CDHR3: variants seen among roughly 807,000 people sequenced by gnomAD.
The protein encoded by CDHR3 is cadherin-related family member 3.
In CDHR3, 79 loss-of-function variants were observed where a neutral mutation model predicts 86.6. That is an observed-to-expected ratio of 0.91 (90% CI 0.76 to 1.10). The LOEUF (loss-of-function observed/expected upper bound fraction) is 1.10, where lower values mean the gene tolerates loss of function less well. Ranked by LOEUF, CDHR3 falls within the 50% of genes least tolerant of loss-of-function variation. The pLI, the probability that CDHR3 is intolerant of heterozygous loss-of-function variation, is 0.00. For missense variants in CDHR3, 1,081 were observed against 1,077.6 expected (o/e 1.00, Z -0.04); for synonymous variants, 421 against 402.4 (o/e 1.05, Z -0.55).
At position 106,017,855 on chromosome 7, in the gene CDHR3, G is replaced by A. The variant is rs1302095045; in HGVS notation, c.1436G>A (p.Arg479Gln). 2.0e-5 allele frequency: 31 copies of A among 1,579,018 alleles called. No individual in the cohort carries two copies. Among genetic ancestry groups the A allele is most frequent in the Non-Finnish European group, 2.5e-5 (29 of 1,162,670 alleles). Residue 479 changes from arginine (R) to glutamine (Q), a missense_variant, in exon 12 of 19, where the codon CGA becomes CAA. Transcript: ENST00000317716. ...DVSERRPART[R>Q]VGQVRATDKD... ...TACTTTATTCCTCCAGCCAGAACCC[G>A]AGTGGGACAGGTGCGAGCCACTGAT...
intron 5 of CDHR3, among the ~76,000 whole-genome samples, chr7:105,995,748 T>C (rs1174054334): frequency 3.3e-5 from 5 of 152,114 alleles, no homozygotes; most frequent in Non-Finnish European, 7.4e-5. Flanking sequence ...TCAAGGGTGA[T>C]CTATACAAGA....
At chr7:106,001,053 T>C (rs891997677) in intron 6 of CDHR3, among the ~76,000 whole-genome samples, 1 of 152,204 alleles carries the variant, frequency 6.6e-6, no homozygotes, top group Non-Finnish European at 1.5e-5. Flanking sequence ...GACCCTGGCA[T>C]GTAACTCTGG....
intron 1 of CDHR3, among the ~76,000 whole-genome samples, chr7:105,968,356 C>CT (rs201809376): frequency 0.018 from 2,761 of 151,924 alleles, 33 homozygotes; most frequent in Non-Finnish European, 0.029. Context: ...TTCTTTCTTT[C>CT]TTTTTTTTAT....
intron 2 of CDHR3, among the ~76,000 whole-genome samples, chr7:105,979,236 A>G (rs60275590): frequency 0.023 from 3,513 of 152,266 alleles, 127 homozygotes; most frequent in African/African-American, 0.081. Context: ...CAAGCCAGTC[A>G]GTCTGGCTCC....
intron 9 of CDHR3, among the ~76,000 whole-genome samples, chr7:106,014,823 T>C (rs114670705): frequency 3.3e-5 from 5 of 152,352 alleles, no homozygotes; most frequent in Admixed American, 2.0e-4. Context: ...ATTTTGTGCT[T>C]TTCTTCAACG....
chr7:106,015,194 G>C lies in CDHR3; in HGVS notation c.1308G>C (p.Val436=), dbSNP rs746277842. Residue 436 remains valine (V), a synonymous_variant, in exon 10 of 19, where the codon GTG becomes GTC. Coordinates refer to ENST00000317716, the MANE Select transcript of CDHR3 (RefSeq NM_152750.5). ...KYTVIIQVQD[V]APPYYKNNVY... ...CGGTGATAATCCAGGTGCAGGATGT[G>C]GCCCCCCCTTACTATAAAAGCAAGT... 6.3e-5 allele frequency: 102 copies of C among 1,609,662 alleles called. No individual in the cohort carries two copies. The highest frequency in any genetic ancestry group is 8.0e-5 in the Non-Finnish European group (94 of 1,178,148).
At chr7:106,020,856 T>C (rs1414091343) in intron 13 of CDHR3, among the ~76,000 whole-genome samples, 1 of 152,090 alleles carries the variant, frequency 6.6e-6, no homozygotes, top group Admixed American at 6.5e-5. Context: ...TTCCTGGCAC[T>C]CCTCTCAGTT....
chr7:106,020,282 ATGAAAAGTGCTTAGCC>A, intron 12 of CDHR3, 75 bp from the exon 13 acceptor site: 1 of 1,100,990 alleles, frequency 9.1e-7, no homozygotes, highest in East Asian at 2.6e-5. Context: ...GAGCTAATTT[ATGAAAAGTGCTTAGCC>A]TGAAAACTGC....
rs373882400 is a variant in CDHR3 at position 106,018,100 on chromosome 7, G to A, written c.1653+28G>A. On this transcript the variant is annotated intron_variant, in intron 12 of 18. Transcript: ENST00000317716. ...GAGTGGTGCTGCTTGGTATAGTGCCGGTAACCCAACTGGTTGACTTAGGGT... is the reference window on the plus strand; with the variant it reads ...GAGTGGTGCTGCTTGGTATAGTGCCAGTAACCCAACTGGTTGACTTAGGGT... The A allele has an allele frequency of 3.5e-5, 55 of 1,589,660 alleles. No homozygotes were observed. In the African/African-American group the frequency reaches 4.4e-4, roughly 13 times the overall value.
intron 8 of CDHR3, among the ~76,000 whole-genome samples, chr7:106,012,337 C>T (rs754887470): frequency 6.6e-5 from 10 of 151,976 alleles, no homozygotes; most frequent in Non-Finnish European, 1.2e-4. Context: ...AGGGTAGCCT[C>T]ACTGATAAGG....
At chr7:106,032,346 A>T (rs530905605) in intron 18 of CDHR3, 47 bp from the exon 19 acceptor site, 3 of 1,537,178 alleles carry the variant, frequency 2.0e-6, no homozygotes, top group Non-Finnish European at 2.6e-6. Flanking sequence ...AGAGACAGTC[A>T]TTGGAATTTT....
chr7:105,991,093 T>C (rs1831285193), intron 4 of CDHR3, among the ~76,000 whole-genome samples: 1 of 152,216 alleles, frequency 6.6e-6, no homozygotes, highest in South Asian at 2.1e-4. Context: ...ATCTGATTAC[T>C]CAGGACTTTT....
At chr7:105,996,464 G>A in intron 6 of CDHR3, 110 bp downstream of exon 6, 1 of 586,028 alleles carries the variant, frequency 1.7e-6, no homozygotes, top group East Asian at 2.8e-5. Flanking sequence ...CTTTGCTGTG[G>A]CCTGCAGGAA....
At position 105,963,346 on chromosome 7, in the gene CDHR3, C is replaced by T; in HGVS notation, c.28C>T (p.Leu10Phe). Reference protein sequence around the residue: MQEAIILLALLGAMSGGEAL... With the variant: MQEAIILLAFLGAMSGGEAL... ...GCAGGAAGCAATCATTCTCCTGGCT[C>T]TCCTGGGTGCCATGTCAGGTAGGAA... Residue 10 changes from leucine to phenylalanine, a missense_variant, in exon 1 of 19, where the codon CTC becomes TTC. Coordinates refer to ENST00000317716, the MANE Select transcript of CDHR3 (RefSeq NM_152750.5). 5.0e-6 allele frequency: 8 copies of T among 1,614,024 alleles called. No homozygotes were observed. The highest frequency in any genetic ancestry group is 6.8e-6 in the Non-Finnish European group (8 of 1,179,874).
At chr7:105,965,934 G>T (rs756138451) in intron 1 of CDHR3, among the ~76,000 whole-genome samples, 1 of 152,128 alleles carries the variant, frequency 6.6e-6, no homozygotes, top group Non-Finnish European at 1.5e-5. Flanking sequence ...CACCCCAAAT[G>T]TAGAGCTTTA....
rs201065251 is a variant in CDHR3 at position 106,032,603 on chromosome 7, G to A, written c.2564G>A (p.Gly855Asp). The A allele has an allele frequency of 6.2e-7, 1 of 1,613,844 alleles. No homozygotes were observed. Among genetic ancestry groups the A allele is most frequent in the East Asian group, 2.2e-5 (1 of 44,894 alleles). Residue 855 changes from glycine (G) to aspartate (D), a missense_variant, in exon 19 of 19, where the codon GGT becomes GAT. By Grantham distance (94) the Gly-to-Asp change is moderately conservative (BLOSUM62 -1). Transcript: ENST00000317716. The stretch of plus-strand genomic sequence containing the variant: ...GCGTGGGCTGAGGATGCTGGTCTGG[G>A]TTCCAGAAATGAGGGTGGCAAGCTG... ...GKAWAEDAGL[G>D]SRNEGGKLGN...
In CDHR3 at chr7:106,016,026, G is replaced by GT. The variant is rs1487432459; in HGVS notation, c.1426+2dup. On this transcript the variant is annotated splice_donor_variant, in intron 11 of 18. Coordinates refer to ENST00000317716, the MANE Select transcript of CDHR3 (RefSeq NM_152750.5). LOFTEE classifies it high-confidence loss of function. ...TTTGATGTGTCAGAAAGAAGGCCCG[G>GT]TAAGTAACAGATAAGACACAGACCA... 1 of 1,592,694 alleles carries GT rather than the reference G, an allele frequency of 6.3e-7. No homozygotes were observed. Among genetic ancestry groups the GT allele is most frequent in the Admixed American group, 1.7e-5 (1 of 59,014 alleles).
chr7:106,004,642 A>C lies in CDHR3; in HGVS notation c.1007A>C (p.Glu336Ala), dbSNP rs1160653941. The C allele has an allele frequency of 6.2e-7, 1 of 1,614,020 alleles. No homozygotes were observed. Among genetic ancestry groups the C allele is most frequent in the Non-Finnish European group, 8.5e-7 (1 of 1,179,900 alleles). ...ENRIQITFIV[E>A]DVNDNPATCQ... ...CGCATCCAGATAACCTTCATTGTGGAAGACGTCAACGACAATCCTGCCACA... is the reference window on the plus strand; with the variant it reads ...CGCATCCAGATAACCTTCATTGTGGCAGACGTCAACGACAATCCTGCCACA... Residue 336 changes from glutamate to alanine, a missense_variant, in exon 8 of 19, where the codon GAA becomes GCA. Glu to Ala is a moderately radical substitution (Grantham distance 107, BLOSUM62 -1). Transcript: ENST00000317716.
Position 106,034,141 on chromosome 7 carries a change from A to G in CDHR3, c.*1444A>G, listed in dbSNP as rs981854797. On this transcript the variant is annotated 3_prime_UTR_variant, in exon 19 of 19. Coordinates refer to ENST00000317716, the MANE Select transcript of CDHR3 (RefSeq NM_152750.5). ...GACATACTGGAAGCCCCATCTAGAC[A>G]TAAAACTCAGACTTCCACCTGTAGG... Among the ~76,000 whole-genome samples, 1 of 152,214 alleles carries G rather than the reference A, an allele frequency of 6.6e-6. No individual in the cohort carries two copies. Among genetic ancestry groups the G allele is most frequent in the Non-Finnish European group, 1.5e-5 (1 of 68,034 alleles).
Sources: allele counts gnomAD v4.1 joint callset (sites outside exome capture counted in the v4.1 genomes callset), GRCh38; gene constraint gnomAD v4.1.1; transcripts MANE v1.5; gene names NCBI Gene and HGNC (gene_info 2026-07-23, HGNC 2026-07-21).